The following SIRT1 variants were observed in gnomAD, a reference collection of about 807,000 sequenced individuals.
The protein encoded by SIRT1 is sirtuin 1.
SIRT1 carries 24 observed loss-of-function variants against 67.9 expected under a neutral mutation model. The ratio of observed to expected loss-of-function variants is 0.35; its 90% confidence interval spans 0.26 to 0.50. SIRT1 has a LOEUF of 0.50. Ranked by LOEUF, SIRT1 falls within the 20% of genes least tolerant of loss-of-function variation. The pLI is 0.98. For missense variants in SIRT1, 873 were observed against 937.2 expected, an observed-to-expected ratio of 0.93 and a Z score of 0.89; for synonymous variants, 378 against 350.7, an observed-to-expected ratio of 1.08 and a Z score of -0.87.
rs1842447518 is a variant in SIRT1, at chr10:67,884,759, G to A, written c.38G>A (p.Gly13Asp). 3 of 1,228,546 alleles carry A rather than the reference G, an allele frequency of 2.4e-6. No individual in the cohort carries two copies. Among genetic ancestry groups the A allele is most frequent in the Non-Finnish European group, 3.0e-6 (3 of 985,820 alleles). The allele number at this position is 1,228,546 out of a possible 1,614,324, so 76.1% of individuals were successfully genotyped here. A position where few individuals can be genotyped will look rare whatever the true frequency, so the allele number is the denominator to read the frequency against. ...GCGGCCCTCGCCCTTCAGCCCGGCGGCTCCCCCTCGGCGGCGGGGGCCGAC... is the reference window on the plus strand; with the variant it reads ...GCGGCCCTCGCCCTTCAGCCCGGCGACTCCCCCTCGGCGGCGGGGGCCGAC... ...DEAALALQPGGSPSAAGADRE... is the reference protein window; with the variant it reads ...DEAALALQPGDSPSAAGADRE... The change falls in exon 1 of 9, where the codon GGC (glycine) becomes GAC (aspartate). Residue 13 changes from glycine to aspartate, a missense_variant. Around this residue, in one of 3 missense-constraint regions of SIRT1, gnomAD observed 327 missense variants for 283.9 expected, o/e 1.15. Transcript: ENST00000212015.
rs2131898488 is a variant in SIRT1, at chr10:67,918,032, C to CA, written c.*1440dup. On this transcript the variant is annotated 3_prime_UTR_variant, in exon 9 of 9. Coordinates refer to ENST00000212015, the MANE Select transcript of SIRT1 (RefSeq NM_012238.5). ...AACACCCAGCTAGGACCATTACTGC[C>CA]AGAGAAAAAAATCGTATTGAATGGC... 6.6e-6 allele frequency: 1 copy of CA among 152,630 alleles called. No individual in the cohort carries two copies. Among genetic ancestry groups the CA allele is most frequent in the Admixed American group, 6.5e-5 (1 of 15,290 alleles). 9.5% of individuals were successfully genotyped at this position (152,630 alleles called of 1,614,324 possible). A position where few individuals can be genotyped will look rare whatever the true frequency, so the allele number is the denominator to read the frequency against.
chr10:67,911,777 ACCCT>A (rs544434847), intron 7 of SIRT1, among the ~76,000 whole-genome samples: 1 of 66,132 alleles, frequency 1.5e-5, no homozygotes, highest in Non-Finnish European at 3.0e-5. Context: ...CCTTCCTCCC[ACCCT>A]CCCTCCCTCC....
intron 7 of SIRT1, among the ~76,000 whole-genome samples, chr10:67,909,678 G>T (rs996221994): frequency 6.6e-6 from 1 of 151,976 alleles, no homozygotes; most frequent in African/African-American, 2.4e-5. Context: ...GGGTTCAAGC[G>T]ATTCTTCTGC....
In SIRT1 at chr10:67,887,402, T is replaced by C. The variant is rs746357617; in HGVS notation, c.431-15T>C. 2.6e-6 allele frequency: 4 copies of C among 1,560,058 alleles called. No homozygotes were observed. The African/African-American group carries it at 4.1e-5, about 16-fold the overall frequency. ...GTTGTTTTGATAGCCTTGACTGACTTGGTTTCTTTTGCAGATAACCTTCTG... is the reference window on the plus strand; with the variant it reads ...GTTGTTTTGATAGCCTTGACTGACTCGGTTTCTTTTGCAGATAACCTTCTG... On this transcript the variant is annotated splice_polypyrimidine_tract_variant and intron_variant, in intron 1 of 8. Coordinates refer to ENST00000212015, the MANE Select transcript of SIRT1 (RefSeq NM_012238.5).
At chr10:67,892,827 C>CCT (rs1404046935) in intron 4 of SIRT1, among the ~76,000 whole-genome samples, 1 of 152,150 alleles carries the variant, frequency 6.6e-6, no homozygotes, top group African/African-American at 2.4e-5. Flanking sequence ...GTGTTGAACT[C>CCT]CTGACTTCAG....
At chr10:67,903,633 G>T (rs12262009) in intron 4 of SIRT1, among the ~76,000 whole-genome samples, 10,298 of 151,924 alleles carry the variant, frequency 0.068, 1,206 homozygotes, top group African/African-American at 0.23. Context: ...GTGATCCGCC[G>T]ACCTCGGCCA....
intron 7 of SIRT1, 34 bp from the exon 8 acceptor site, chr10:67,912,440 C>T: frequency 6.5e-7 from 1 of 1,539,390 alleles, no homozygotes; most frequent in Non-Finnish European, 8.7e-7. Context: ...TTCCTCCTCC[C>T]TTTTTCTAAC....
intron 4 of SIRT1, chr10:67,906,263 G>C (rs1460248053): frequency 1.9e-6 from 3 of 1,585,874 alleles, no homozygotes; most frequent in South Asian, 1.2e-5. Flanking sequence ...GTATGTGCCT[G>C]TGCAGTGGAA....
In SIRT1 at chr10:67,917,943, C is replaced by T. The variant is rs1199889454; in HGVS notation, c.*1350C>T. On this transcript the variant is annotated 3_prime_UTR_variant, in exon 9 of 9. Coordinates refer to ENST00000212015, the MANE Select transcript of SIRT1 (RefSeq NM_012238.5). Reference sequence around the variant, plus strand: ...TCACTCCTAAATTAATAAAGTATTCCTCTGTTGCTTTAGTATTTATTACAA... The same window carrying T: ...TCACTCCTAAATTAATAAAGTATTCTTCTGTTGCTTTAGTATTTATTACAA... The T allele has an allele frequency of 6.6e-6, 1 of 152,308 alleles. No homozygotes were observed. Among genetic ancestry groups the T allele is most frequent in the African/African-American group, 2.4e-5 (1 of 41,388 alleles). The allele number at this position is 152,308 out of a possible 1,614,324, so 9.4% of individuals were successfully genotyped here.
At chr10:67,903,510 G>A (rs946292452) in intron 4 of SIRT1, among the ~76,000 whole-genome samples, 20 of 150,254 alleles carry the variant, frequency 1.3e-4, no homozygotes, top group Admixed American at 1.3e-4. Flanking sequence ...TTAGCCTCCC[G>A]AGTAGTGGGA....
intron 4 of SIRT1, among the ~76,000 whole-genome samples, chr10:67,897,146 A>G (rs571075846): frequency 6.6e-6 from 1 of 150,806 alleles, no homozygotes; most frequent in African/African-American, 2.4e-5. Context: ...ACAGAGTGAG[A>G]CTCCATCTCA....
chr10:67,889,601 A>G (rs1842537451), intron 3 of SIRT1, among the ~76,000 whole-genome samples: 1 of 152,292 alleles, frequency 6.6e-6, no homozygotes, highest in South Asian at 2.1e-4. Flanking sequence ...GACATTTTCT[A>G]TTTGATCTAC....
At chr10:67,891,147 A>G (rs575524148) in intron 3 of SIRT1, among the ~76,000 whole-genome samples, 19 of 152,342 alleles carry the variant, frequency 1.2e-4, no homozygotes, top group African/African-American at 3.8e-4. Flanking sequence ...TAAATGCTTA[A>G]AAGGCTTAAA....
chr10:67,890,629 A>G (rs985428691), intron 3 of SIRT1, among the ~76,000 whole-genome samples: 2 of 151,912 alleles, frequency 1.3e-5, no homozygotes, highest in African/African-American at 4.8e-5. Flanking sequence ...GCTGCTAAGG[A>G]GGTTGAGGTG....
rs576927982 is a variant in SIRT1 at position 67,884,678 on chromosome 10, G to C, written c.-44G>C. 1 of 1,226,508 alleles carries C rather than the reference G, an allele frequency of 8.2e-7. No individual in the cohort carries two copies. The highest frequency in any genetic ancestry group is 1.0e-6 in the Non-Finnish European group (1 of 984,704). 76.0% of individuals were successfully genotyped at this position (1,226,508 alleles called of 1,614,324 possible). On this transcript the variant is annotated 5_prime_UTR_variant, in exon 1 of 9. Coordinates refer to ENST00000212015, the MANE Select transcript of SIRT1 (RefSeq NM_012238.5). Reference sequence around the variant, plus strand: ...GGCGCCAGTGCCGCGCGTCGAGCGGGAGCAGAGGAGGCGAGGGAGGAGGGC... The same window carrying C: ...GGCGCCAGTGCCGCGCGTCGAGCGGCAGCAGAGGAGGCGAGGGAGGAGGGC...
In SIRT1 at chr10:67,887,307, C is replaced by T. The variant is rs138182232; in HGVS notation, c.431-110C>T. The stretch of plus-strand genomic sequence containing the variant: ...CCCCATAGGCATGCTTTACACACGC[C>T]GTGTAAATGTTAAATGCTGTACTCG... On this transcript the variant is annotated intron_variant, in intron 1 of 8. Coordinates refer to ENST00000212015, the MANE Select transcript of SIRT1 (RefSeq NM_012238.5). 3.8e-5 allele frequency: 27 copies of T among 701,452 alleles called. No individual in the cohort carries two copies. The East Asian group carries it at 4.5e-4, about 12-fold the overall frequency. The allele number at this position is 701,452 out of a possible 1,614,324, so 43.5% of individuals were successfully genotyped here.
Position 67,885,120 on chromosome 10 carries a change from AGAG to A in SIRT1, c.401_403del (p.Glu134del). 1 of 1,438,266 alleles carries A rather than the reference AGAG, an allele frequency of 7.0e-7. No individual in the cohort carries two copies. The highest frequency in any genetic ancestry group is 9.2e-7 in the Non-Finnish European group (1 of 1,090,942). The allele number at this position is 1,438,266 out of a possible 1,614,324, so 89.1% of individuals were successfully genotyped here. A position where few individuals can be genotyped will look rare whatever the true frequency, so the allele number is the denominator to read the frequency against. On this transcript the variant is annotated inframe_deletion, in exon 1 of 9. Transcript: ENST00000212015. ...ACGACGACGAGGGCGAGGAGGAGGA[AGAG>A]GCGGCGGCGGCGGCGATTGGGTACC...
At chr10:67,891,178 C>T (rs948044343) in intron 3 of SIRT1, among the ~76,000 whole-genome samples, 1 of 151,986 alleles carries the variant, frequency 6.6e-6, no homozygotes, top group Non-Finnish European at 1.5e-5. Context: ...CTTAAAAATT[C>T]CTTATCTGTG....
chr10:67,910,202 C>T (rs1842878256), intron 7 of SIRT1, among the ~76,000 whole-genome samples: 2 of 152,066 alleles, frequency 1.3e-5, no homozygotes, highest in Non-Finnish European at 2.9e-5. Flanking sequence ...TGGTGAAACC[C>T]TGTCTCTACT....
Sources: gnomAD v4.1 joint callset for allele counts (sites outside exome capture counted in the v4.1 genomes callset) on GRCh38, gnomAD v4.1.1 for gene constraint, gnomAD v4.1.1 regional missense constraint, MANE v1.5 for transcripts, NCBI Gene and HGNC (gene_info 2026-07-23, HGNC 2026-07-21) for gene names.